Variants in TFPI observed in about 807,000 individuals in gnomAD.
TFPI encodes the protein tissue factor pathway inhibitor.
A neutral mutation model predicts 34.6 loss-of-function variants in TFPI; 15 were observed. That is an observed-to-expected ratio of 0.43 (90% CI 0.29 to 0.67). TFPI has a LOEUF of 0.67. Ranked by LOEUF, TFPI falls within the 30% of genes least tolerant of loss-of-function variation. TFPI has a pLI of 0.15. For missense variants in TFPI, 301 were observed against 364.0 expected, an observed-to-expected ratio of 0.83 and a Z score of 1.41; for synonymous variants, 105 against 120.1, an observed-to-expected ratio of 0.87 and a Z score of 0.82.
At chr2:187,545,547 A>G (rs1688813183) in intron 1 of TFPI, among the ~76,000 whole-genome samples, 1 of 152,180 alleles carries the variant, frequency 6.6e-6, no homozygotes, top group Non-Finnish European at 1.5e-5. Context: ...ACTCAGACAT[A>G]GGAATGTGAC....
At position 187,481,060 on chromosome 2, in the gene TFPI, ATTATAT is replaced by A. The variant is rs770395528; in HGVS notation, c.628+3058_628+3063del. On this transcript the variant is annotated intron_variant, in intron 6 of 7. Transcript: ENST00000233156. ...TAATATCATGAAGAAAAACATTAAA[ATTATAT>A]TTATAAATATTTCACTTAATAATAA... Among the ~76,000 whole-genome samples the A allele has an allele frequency of 3.9e-5, 6 of 152,042 alleles. No individual in the cohort carries two copies. The East Asian group carries it at 1.2e-3, about 29-fold the overall frequency.
At chr2:187,485,850 T>G (rs1331320551) in intron 4 of TFPI, among the ~76,000 whole-genome samples, 1 of 151,692 alleles carries the variant, frequency 6.6e-6, no homozygotes, top group East Asian at 1.9e-4. Context: ...AATTTCTCAA[T>G]TTTTTTCCTG....
intron 6 of TFPI, among the ~76,000 whole-genome samples, chr2:187,473,678 TA>T (rs1404935753): frequency 2.0e-5 from 3 of 151,300 alleles, no homozygotes; most frequent in Non-Finnish European, 4.4e-5. Flanking sequence ...CCTCTCTCTG[TA>T]AAAAAGAAAG....
At chr2:187,536,936 C>A (rs999334074) in intron 1 of TFPI, among the ~76,000 whole-genome samples, 1 of 146,464 alleles carries the variant, frequency 6.8e-6, no homozygotes, top group Non-Finnish European at 1.5e-5. Flanking sequence ...TCTTGTACAC[C>A]AATAACAGAC....
chr2:187,468,749 C>T (rs545670354), intron 6 of TFPI, among the ~76,000 whole-genome samples: 50 of 152,164 alleles, frequency 3.3e-4, no homozygotes, highest in African/African-American at 1.2e-3. Flanking sequence ...TAGTTTTTAG[C>T]TCTCTGGGAA....
chr2:187,536,413 T>A (rs1271220391), intron 1 of TFPI, among the ~76,000 whole-genome samples: 2 of 152,242 alleles, frequency 1.3e-5, no homozygotes, highest in Non-Finnish European at 2.9e-5. Flanking sequence ...ATCCCTGGGA[T>A]GCAAGGCTGG....
rs35837997 is a variant in TFPI, at chr2:187,479,546, C to CATATATAT, written c.628+4570_628+4577dup. 8.8e-4 allele frequency among the ~76,000 whole-genome samples: 56 copies of CATATATAT among 63,296 alleles called. 1 individual carries two copies. The highest frequency in any genetic ancestry group is 2.6e-3 in the East Asian group (6 of 2,318). The allele number at this position is 63,296 out of a possible 152,430, so 41.5% of individuals were successfully genotyped here. A position where few individuals can be genotyped will look rare whatever the true frequency, so the allele number is the denominator to read the frequency against. On this transcript the variant is annotated intron_variant, in intron 6 of 7. Transcript: ENST00000233156. ...GCTTATTTTGGGGGGATATCACGTT[C>CATATATAT]ATATATATATATATATATATATATA...
chr2:187,553,386 A>C (rs1326184257), intron 1 of TFPI, among the ~76,000 whole-genome samples: 1 of 152,072 alleles, frequency 6.6e-6, no homozygotes, highest in Non-Finnish European at 1.5e-5. Context: ...CCCACATGGT[A>C]GTACTCTTGG....
intron 3 of TFPI, among the ~76,000 whole-genome samples, chr2:187,495,043 A>AG (rs2106074482): frequency 6.6e-6 from 1 of 152,268 alleles, no homozygotes; most frequent in Non-Finnish European, 1.5e-5. Context: ...TTTGATAGAT[A>AG]ATGAGGAGAT....
At chr2:187,480,915 A>G (rs1407338554) in intron 6 of TFPI, among the ~76,000 whole-genome samples, 1 of 152,140 alleles carries the variant, frequency 6.6e-6, no homozygotes, top group East Asian at 1.9e-4. Context: ...GAATCAAGAA[A>G]GCTTACTGGA....
At chr2:187,530,092 G>A (rs1687885693) in intron 1 of TFPI, among the ~76,000 whole-genome samples, 1 of 152,128 alleles carries the variant, frequency 6.6e-6, no homozygotes, top group African/African-American at 2.4e-5. Flanking sequence ...CTCACAATAA[G>A]AAGGAAAGAC....
At chr2:187,473,557 A>G (rs1217411866) in intron 6 of TFPI, among the ~76,000 whole-genome samples, 3 of 152,120 alleles carry the variant, frequency 2.0e-5, no homozygotes, top group Admixed American at 6.6e-5. Context: ...CTCAAGATAT[A>G]TGATAGAAAT....
chr2:187,504,383 G>A (rs8176414), intron 1 of TFPI, among the ~76,000 whole-genome samples: 1,961 of 151,980 alleles, frequency 0.013, 41 homozygotes, highest in African/African-American at 0.045. Flanking sequence ...TCTGACATTC[G>A]AGTTAGTCCT....
At position 187,516,015 on chromosome 2, in the gene TFPI, C is replaced by T. The variant is rs553507693; in HGVS notation, c.-2-12245G>A. The T allele has an allele frequency of 2.0e-5, 3 of 152,262 alleles. No homozygotes were observed. In the South Asian group the frequency reaches 6.2e-4, roughly 32 times the overall value. The allele number at this position is 152,262 out of a possible 1,614,324, so 9.4% of individuals were successfully genotyped here. On this transcript the variant is annotated intron_variant, in intron 1 of 7. Transcript: ENST00000233156. ...GTACTATGGGCCTGCCACTTAGGCA[C>T]AAGACGGCTAGTGGGGATACCAAAC...
intron 6 of TFPI, among the ~76,000 whole-genome samples, chr2:187,479,546 C>CATGTATATATAT (rs1692669733): frequency 1.6e-5 from 1 of 63,308 alleles, no homozygotes; most frequent in Non-Finnish European, 3.1e-5. Context: ...ATATCACGTT[C>CATGTATATATAT]ATATATATAT....
chr2:187,465,492 G>GAAAAAAAAAAAAAAAAAAAAAAAAAGA lies in TFPI; in HGVS notation c.*1443_*1444insTCTTTTTTTTTTTTTTTTTTTTTTTTT, dbSNP rs199557966. The stretch of plus-strand genomic sequence containing the variant: ...AAAACATAACAAAACAAAACAAAAT[G>GAAAAAAAAAAAAAAAAAAAAAAAAAGA]AAAAAAAAAAAAAAACAAGAAAAAA... On this transcript the variant is annotated 3_prime_UTR_variant, in exon 8 of 8. Coordinates refer to ENST00000233156, the MANE Select transcript of TFPI (RefSeq NM_006287.6). 6 of 67,760 alleles carry GAAAAAAAAAAAAAAAAAAAAAAAAAGA rather than the reference G, an allele frequency of 8.9e-5. No homozygotes were observed. Among genetic ancestry groups the GAAAAAAAAAAAAAAAAAAAAAAAAAGA allele is most frequent in the Non-Finnish European group, 1.1e-4 (4 of 35,760 alleles). 4.2% of individuals were successfully genotyped at this position (67,760 alleles called of 1,614,324 possible).
intron 1 of TFPI, among the ~76,000 whole-genome samples, chr2:187,546,127 GA>G (rs918830200): frequency 6.6e-5 from 10 of 151,918 alleles, no homozygotes; most frequent in Non-Finnish European, 8.8e-5. Context: ...AAATAAAAAA[GA>G]AACACATAAT....
At chr2:187,514,945 C>T (rs1686892380) in intron 1 of TFPI, 1 of 152,238 alleles carries the variant, frequency 6.6e-6, no homozygotes, top group African/African-American at 2.4e-5. Context: ...CAACCAACAG[C>T]AACGAGCTTT....
chr2:187,484,651 T>C (rs1693125372), intron 5 of TFPI, 160 bp downstream of exon 5: 2 of 591,698 alleles, frequency 3.4e-6, no homozygotes, highest in Non-Finnish European at 5.5e-6. Context: ...TTTCTGTGCT[T>C]TTTAAAAAAC....
Sources: allele counts gnomAD v4.1 joint callset (sites outside exome capture counted in the v4.1 genomes callset), GRCh38; gene constraint gnomAD v4.1.1; transcripts MANE v1.5; gene names NCBI Gene and HGNC (gene_info 2026-07-23, HGNC 2026-07-21).